EIF3A: variants seen among roughly 807,000 people sequenced by gnomAD.
EIF3A encodes eukaryotic translation initiation factor 3 subunit A, also known as EIF3, p180 subunit.
A neutral mutation model predicts 186.6 loss-of-function variants in EIF3A; 21 were observed. The ratio of observed to expected loss-of-function variants is 0.11; its 90% CI spans 0.08 to 0.16. The LOEUF (loss-of-function observed/expected upper bound fraction) is 0.16. EIF3A is among the 10% of genes least tolerant of loss of function. The pLI, the probability that EIF3A is intolerant of heterozygous loss-of-function variation, is 1.00. For missense variants in EIF3A, 1,306 were observed against 1,796.3 expected, an observed-to-expected ratio of 0.73 and a Z score of 4.93; for synonymous variants, 563 against 584.3, an observed-to-expected ratio of 0.96 and a Z score of 0.52.
intron 1 of EIF3A, among the ~76,000 whole-genome samples, chr10:119,076,893 G>A (rs550937182): frequency 4.9e-5 from 7 of 143,478 alleles, no homozygotes; most frequent in African/African-American, 1.5e-4. Flanking sequence ...CCAAGATTGC[G>A]TCACTGCACT....
chr10:119,042,694 A>T lies in EIF3A; in HGVS notation c.2826T>A (p.Asp942Glu). Residue 942 changes from aspartate (D) to glutamate (E), a missense_variant, in exon 19 of 22, where the codon GAT (aspartate) becomes GAA (glutamate). By Grantham distance (45) the Asp-to-Glu change is conservative. Transcript: ENST00000369144. This position sits in a 1 kb window ranked among gnomAD's most constrained non-coding sequence, Gnocchi z 7.8. ...RDEERPRRLG[D>E]DEDREPSLRP... ...TAAGAGAGGGCTCTCTATCTTCATC[A>T]TCCCCCAGACGCCGGGGCCGCTCTT... 6 of 1,613,892 alleles carry T rather than the reference A, an allele frequency of 3.7e-6. No homozygotes were observed. The highest frequency in any genetic ancestry group is 5.1e-6 in the Non-Finnish European group (6 of 1,180,000).
At chr10:119,066,573 A>AC (rs1311055576) in intron 6 of EIF3A, among the ~76,000 whole-genome samples, 1 of 149,072 alleles carries the variant, frequency 6.7e-6, no homozygotes, top group African/African-American at 2.5e-5. Context: ...GGCAGAAAAA[A>AC]ATTTTAAGAA....
At chr10:119,036,852 A>G (rs1334328905) in intron 21 of EIF3A, among the ~76,000 whole-genome samples, 4 of 152,228 alleles carry the variant, frequency 2.6e-5, no homozygotes, top group Admixed American at 2.6e-4. Flanking sequence ...GCTTTTAAAT[A>G]ACAATTTTTT....
In EIF3A at chr10:119,073,413, G is replaced by C. The variant is rs747109151; in HGVS notation, c.377+28C>G. The C allele has an allele frequency of 1.5e-5, 23 of 1,502,444 alleles. No homozygotes were observed. The East Asian group carries it at 5.2e-4, about 34-fold the overall frequency. The allele number at this position is 1,502,444 out of a possible 1,614,324, so 93.1% of individuals were successfully genotyped here. On this transcript the variant is annotated intron_variant, in intron 3 of 21. Transcript: ENST00000369144. ...AGAAAACACCAAGTTAACTATCAAA[G>C]CATTTATTAGAGGTCTAACCCACAT...
intron 7 of EIF3A, 135 bp from the exon 8 acceptor site, chr10:119,061,463 T>C: frequency 2.2e-6 from 1 of 457,232 alleles, no homozygotes; most frequent in South Asian, 4.0e-5. Context: ...TCCTCTAAAT[T>C]TACCAAAAAT....
At chr10:119,060,477 A>G (rs182848103) in intron 9 of EIF3A, among the ~76,000 whole-genome samples, 127 of 152,338 alleles carry the variant, frequency 8.3e-4, no homozygotes, top group African/African-American at 3.0e-3. Context: ...GAATAAATAC[A>G]CCACAGTACC....
rs1209596336 is a variant in EIF3A, at chr10:119,060,729, T to A, written c.1326+17A>T. The A allele has an allele frequency of 6.3e-7, 1 of 1,577,648 alleles. No homozygotes were observed. Among genetic ancestry groups the A allele is most frequent in the Non-Finnish European group, 8.6e-7 (1 of 1,165,488 alleles). On this transcript the variant is annotated intron_variant, in intron 9 of 21. Transcript: ENST00000369144. The stretch of plus-strand genomic sequence containing the variant: ...GCACATAACATCACAAAACTTTTTT[T>A]ATTTTTTTATTTTTACCTGCTGCAG...
chr10:119,036,142 C>T lies in EIF3A; in HGVS notation c.4046G>A (p.Gly1349Asp), dbSNP rs781738727. The T allele has an allele frequency of 6.2e-7, 1 of 1,613,996 alleles. No homozygotes were observed. ...TCTCCATGAGGCCTTCTCTTTTTCA[C>T]CTTCTCTTTCTCGGTCTCGGTCTCT... ...RERDRDRERE[G>D]EKEKASWRAE... Residue 1349 changes from glycine (G) to aspartate (D), a missense_variant, in exon 22 of 22, where the codon GGT (glycine) becomes GAT (aspartate). Around this residue, in one of 8 missense-constraint regions of EIF3A, gnomAD observed 331 missense variants for 365.8 expected, o/e 0.90. Coordinates refer to ENST00000369144, the MANE Select transcript of EIF3A (RefSeq NM_003750.4).
Position 119,042,491 on chromosome 10 carries a change from C to A in EIF3A, c.3029G>T (p.Arg1010Leu). 6.2e-7 allele frequency: 1 copy of A among 1,614,210 alleles called. No individual in the cohort carries two copies. The highest frequency in any genetic ancestry group is 8.5e-7 in the Non-Finnish European group (1 of 1,180,048). Residue 1010 changes from arginine (R) to leucine (L), a missense_variant, in exon 19 of 22, where the codon CGT becomes CTT. This residue lies in a region of EIF3A where 410 missense variants were observed against 473.5 expected (regional missense o/e 0.87). Transcript: ENST00000369144. This position sits in a 1 kb window ranked among gnomAD's most constrained non-coding sequence, Gnocchi z 7.8. ...RIADEDRGNW[R>L]HADDDRPPRR... Reference sequence around the variant, plus strand: ...AGGTGGTCTGTCATCATCCGCATGACGCCAGTTTCCCCTGTCTTCATCGGC... The same window carrying A: ...AGGTGGTCTGTCATCATCCGCATGAAGCCAGTTTCCCCTGTCTTCATCGGC...
intron 4 of EIF3A, among the ~76,000 whole-genome samples, chr10:119,072,037 A>AAAAG (rs1844082032): frequency 7.1e-6 from 1 of 141,762 alleles, no homozygotes; most frequent in Non-Finnish European, 1.5e-5. Context: ...AAAAAAAAAA[A>AAAAG]AAAAAAAAAG....
chr10:119,052,366 T>TG (rs1848367491), intron 14 of EIF3A, among the ~76,000 whole-genome samples: 2 of 22,218 alleles, frequency 9.0e-5, no homozygotes, highest in Non-Finnish European at 2.2e-4. Context: ...TCTTTTTTGG[T>TG]TTTGTGTGTG....
chr10:119,059,445 G>C (rs371572756), intron 10 of EIF3A, 48 bp from the exon 11 acceptor site: 1 of 1,409,100 alleles, frequency 7.1e-7, no homozygotes. Context: ...TAAGCATGAA[G>C]TCAAAAAGTA....
chr10:119,062,829 C>T (rs549095752), intron 7 of EIF3A, among the ~76,000 whole-genome samples: 1 of 135,266 alleles, frequency 7.4e-6, no homozygotes, highest in East Asian at 2.4e-4. Flanking sequence ...CTCACTGCAA[C>T]CTATGCCTCC....
chr10:119,067,843 C>T (rs1384471014), intron 6 of EIF3A, among the ~76,000 whole-genome samples: 2 of 151,696 alleles, frequency 1.3e-5, no homozygotes, highest in South Asian at 2.1e-4. Flanking sequence ...TGGAGTCTTG[C>T]TCTATCGTCC....
rs1459295851 is a variant in EIF3A at position 119,059,856 on chromosome 10, C to T, written c.1327-138G>A. On this transcript the variant is annotated intron_variant, in intron 9 of 21. Transcript: ENST00000369144. ...GCAGTACATTGTTAAAGCCAGAATGCTAATCCCAGACCATCGACTCTAAAC... is the reference window on the plus strand; with the variant it reads ...GCAGTACATTGTTAAAGCCAGAATGTTAATCCCAGACCATCGACTCTAAAC... 1.4e-5 allele frequency: 9 copies of T among 659,286 alleles called. No homozygotes were observed. The Admixed American group carries it at 1.9e-4, about 14-fold the overall frequency. The allele number at this position is 659,286 out of a possible 1,614,324, so 40.8% of individuals were successfully genotyped here.
chr10:119,049,732 A>T lies in EIF3A; in HGVS notation c.2658+69T>A. ...CCTGGGCAACCTGGGCGACAGAGCA[A>T]GACTGTGCCTCAACCAAAAAAAAAA... On this transcript the variant is annotated intron_variant, in intron 17 of 21. Coordinates refer to ENST00000369144, the MANE Select transcript of EIF3A (RefSeq NM_003750.4). The T allele has an allele frequency of 1.3e-5, 18 of 1,408,528 alleles. 1 individual carries two copies. Among genetic ancestry groups the T allele is most frequent in the Admixed American group, 2.0e-5 (1 of 51,258 alleles). 87.3% of individuals were successfully genotyped at this position (1,408,528 alleles called of 1,614,324 possible).
intron 21 of EIF3A, 102 bp from the exon 22 acceptor site, chr10:119,036,370 A>AT (rs1453047970): frequency 1.3e-5 from 9 of 700,832 alleles, no homozygotes; most frequent in Middle Eastern, 6.8e-4. Context: ...TACAGAAATC[A>AT]TTGTTAAATA....
rs1179861261 is a variant in EIF3A at position 119,073,491 on chromosome 10, C to G, written c.327G>C (p.Gln109His). Residue 109 changes from glutamine (Q) to histidine (H), a missense_variant, in exon 3 of 22, where the codon CAG becomes CAC. Transcript: ENST00000369144. ...EKTEAAKEES[Q>H]QMVLDIEDLD... ...GATCCTCTATATCTAAGACCATCTG[C>G]TGAGATTCTTCTTTAGCAGCTTCAG... The G allele has an allele frequency of 3.5e-5, 57 of 1,608,986 alleles. No homozygotes were observed. Among genetic ancestry groups the G allele is most frequent in the Non-Finnish European group, 4.8e-5 (56 of 1,175,608 alleles).
intron 21 of EIF3A, 76 bp from the exon 22 acceptor site, chr10:119,036,344 A>G: frequency 1.1e-6 from 1 of 918,408 alleles, no homozygotes; most frequent in Non-Finnish European, 1.7e-6. Flanking sequence ...AAATTCCTGT[A>G]CTAAAGATTG....
Sources: allele counts gnomAD v4.1 joint callset (sites outside exome capture counted in the v4.1 genomes callset), GRCh38; gene constraint gnomAD v4.1.1; regional missense constraint gnomAD v4.1.1; non-coding constraint Gnocchi (gnomAD v3.1); transcripts MANE v1.5; gene names NCBI Gene and HGNC (gene_info 2026-07-23, HGNC 2026-07-21).